MEGF6: variants seen among roughly 807,000 people sequenced by gnomAD.
MEGF6 encodes the protein multiple EGF like domains 6.
Under a neutral mutation model 207.1 loss-of-function variants are expected in MEGF6, and 184 were observed. The observed-to-expected ratio is 0.89, with a 90% CI of 0.79 to 1.00. MEGF6 has a LOEUF of 1.00. Ranked by LOEUF, MEGF6 falls within the 50% of genes least tolerant of loss-of-function variation. MEGF6 has a pLI of 0.00. For missense variants in MEGF6, 2,282 were observed against 2,202.9 expected (o/e 1.04, Z -0.72); for synonymous variants, 1,038 against 910.0 (o/e 1.14, Z -2.53).
chr1:3,535,865 A>G (rs192909131), intron 4 of MEGF6, among the ~76,000 whole-genome samples: 57 of 152,258 alleles, frequency 3.7e-4, no homozygotes, highest in African/African-American at 1.4e-3. Context: ...CTCCAGGGGA[A>G]TGGCTCGGGC....
chr1:3,496,257 C>T (rs1237502925), intron 29 of MEGF6, among the ~76,000 whole-genome samples: 1 of 152,232 alleles, frequency 6.6e-6, no homozygotes, highest in Non-Finnish European at 1.5e-5. Flanking sequence ...CCCGCCCACC[C>T]CGCCAGCTCT....
intron 5 of MEGF6, among the ~76,000 whole-genome samples, chr1:3,518,625 A>G (rs1384565322): frequency 6.6e-6 from 1 of 152,128 alleles, no homozygotes; most frequent in Non-Finnish European, 1.5e-5. Context: ...AAGCCTCCAA[A>G]CCCAGCCCAG....
intron 26 of MEGF6, among the ~76,000 whole-genome samples, chr1:3,497,966 G>A (rs1640682701): frequency 6.6e-6 from 1 of 152,158 alleles, no homozygotes; most frequent in Non-Finnish European, 1.5e-5. Context: ...CCCGCTGGGT[G>A]GACCAGGCCC....
intron 1 of MEGF6, among the ~76,000 whole-genome samples, chr1:3,605,757 C>T (rs1424879771): frequency 6.6e-6 from 1 of 152,224 alleles, no homozygotes; most frequent in East Asian, 1.9e-4. Flanking sequence ...CTCACTTACA[C>T]ACTTTGCCTT....
At chr1:3,564,404 A>G (rs1193499276) in intron 4 of MEGF6, among the ~76,000 whole-genome samples, 1 of 152,042 alleles carries the variant, frequency 6.6e-6, no homozygotes, top group Non-Finnish European at 1.5e-5. Flanking sequence ...AGCTGTGCAG[A>G]GGTCACAAAA....
chr1:3,496,523 G>T, intron 29 of MEGF6, 132 bp downstream of exon 29: 2 of 1,357,414 alleles, frequency 1.5e-6, no homozygotes, highest in Non-Finnish European at 2.0e-6. Context: ...GCCCCACTTG[G>T]GGCCAGGCCC....
upstream of MEGF6, among the ~76,000 whole-genome samples, chr1:3,615,714 C>T (rs532149104): frequency 1.4e-4 from 22 of 152,342 alleles, no homozygotes; most frequent in Middle Eastern, 3.4e-3. Context: ...TGGAAGCCCG[C>T]GTGTGGGACC....
At chr1:3,607,913 G>C (rs562300891) in intron 1 of MEGF6, among the ~76,000 whole-genome samples, 1 of 152,314 alleles carries the variant, frequency 6.6e-6, no homozygotes, top group South Asian at 2.1e-4. Context: ...TGGGCCCAGC[G>C]ACGGCATCAC....
chr1:3,575,654 C>T (rs61377682), intron 4 of MEGF6, among the ~76,000 whole-genome samples: 12,567 of 151,946 alleles, frequency 0.083, 878 homozygotes, highest in East Asian at 0.37. Flanking sequence ...TGGCAGCAGG[C>T]AAAGAGAGAG....
intron 4 of MEGF6, among the ~76,000 whole-genome samples, chr1:3,572,308 TG>T (rs1259391190): frequency 1.6e-5 from 2 of 128,356 alleles, no homozygotes; most frequent in East Asian, 2.7e-4. Context: ...GGGTCCTTCC[TG>T]GGTGTGCTGG....
chr1:3,490,773 G>A, intron 36 of MEGF6, 139 bp downstream of exon 36: 1 of 1,288,630 alleles, frequency 7.8e-7, no homozygotes, highest in South Asian at 1.3e-5. Flanking sequence ...CTTGGTCTCT[G>A]AGCTCCAGAT....
intron 2 of MEGF6, among the ~76,000 whole-genome samples, chr1:3,595,834 T>G (rs577282394): frequency 5.4e-4 from 82 of 151,458 alleles, no homozygotes; most frequent in Admixed American, 3.6e-3. Context: ...TCTCGGGGAG[T>G]TGGAAGTGCC....
intron 5 of MEGF6, among the ~76,000 whole-genome samples, chr1:3,516,240 G>A (rs1427394365): frequency 6.6e-6 from 1 of 152,250 alleles, no homozygotes. Context: ...AGCTGGCGCA[G>A]GGAGGCGGGG....
At chr1:3,590,764 C>A (rs1643963158) in intron 3 of MEGF6, among the ~76,000 whole-genome samples, 1 of 148,194 alleles carries the variant, frequency 6.7e-6, no homozygotes, top group African/African-American at 2.4e-5. Flanking sequence ...GATGGAGAAA[C>A]AAGGAAGGGG....
chr1:3,510,754 C>T lies in MEGF6; in HGVS notation c.1234+29G>A, dbSNP rs763261775. Reference sequence around the variant, plus strand: ...GGGCAGCCCTGCTCCCAGGCCACCCCAGCTGTGCAGTGGCAGGGCAGTGCT... The same window carrying T: ...GGGCAGCCCTGCTCCCAGGCCACCCTAGCTGTGCAGTGGCAGGGCAGTGCT... On this transcript the variant is annotated intron_variant, in intron 10 of 36. Transcript: ENST00000356575. 3.8e-6 allele frequency: 6 copies of T among 1,582,038 alleles called. No homozygotes were observed. The East Asian group carries it at 1.4e-4, about 36-fold the overall frequency.
At chr1:3,579,043 G>A (rs1643727276) in intron 4 of MEGF6, among the ~76,000 whole-genome samples, 1 of 152,248 alleles carries the variant, frequency 6.6e-6, no homozygotes, top group African/African-American at 2.4e-5. Flanking sequence ...CTGGCATGGA[G>A]CCCCGGTGGC....
intron 5 of MEGF6, among the ~76,000 whole-genome samples, chr1:3,522,737 C>T (rs565453213): frequency 6.6e-6 from 1 of 152,162 alleles, no homozygotes; most frequent in Admixed American, 6.5e-5. Context: ...AGTAGGAGGC[C>T]AGGAGAAGGG....
intron 4 of MEGF6, among the ~76,000 whole-genome samples, chr1:3,534,108 T>C (rs1316044187): frequency 4.0e-5 from 6 of 151,570 alleles, no homozygotes; most frequent in African/African-American, 1.5e-4. Flanking sequence ...GCACTCGGAG[T>C]CTACGGCCAG....
intron 4 of MEGF6, among the ~76,000 whole-genome samples, chr1:3,530,160 G>A (rs981050281): frequency 2.6e-5 from 4 of 152,238 alleles, no homozygotes; most frequent in Admixed American, 2.0e-4. Flanking sequence ...CAGCCGGAAG[G>A]CTGCCTACCC....
Sources: allele counts gnomAD v4.1 joint callset (sites outside exome capture counted in the v4.1 genomes callset), GRCh38; gene constraint gnomAD v4.1.1; transcripts MANE v1.5; gene names NCBI Gene and HGNC (gene_info 2026-07-23, HGNC 2026-07-21).